Variants in ZNF226 observed in about 807,000 individuals in gnomAD.
The protein encoded by ZNF226 is zinc finger protein 226, also known as Kruppel-associated box protein.
ZNF226 carries 6 observed loss-of-function variants against 11.4 expected under a neutral mutation model. The observed-to-expected ratio is 0.53, with a 90% confidence interval of 0.29 to 1.04. The LOEUF is 1.04. Ranked by LOEUF, ZNF226 falls within the 50% of genes least tolerant of loss-of-function variation. The pLI is 0.08. For synonymous variants in ZNF226, 350 were observed against 322.8 expected (o/e 1.08, Z -0.90); for missense variants, 1,058 against 956.5 (o/e 1.11, Z -1.40).
At chr19:44,169,670 A>G (rs1341175798) in intron 2 of ZNF226, 1 of 162,752 alleles carries the variant, frequency 6.1e-6, no homozygotes, top group African/African-American at 2.4e-5. Flanking sequence ...TGACAGAAGT[A>G]AGGCAAAGAG....
the ZNF226 span, among the ~76,000 whole-genome samples, chr19:44,198,722 CCTGTTCAGGGAGACATGGATCTTCT>C: frequency 6.6e-6 from 1 of 152,320 alleles, no homozygotes; most frequent in East Asian, 1.9e-4. Flanking sequence ...CTAAGGTAGA[CCTGTTCAGGGAGACATGGATCTTCT>C]CTGTTGGATA....
At chr19:44,189,348 TAGG>T in the ZNF226 span, among the ~76,000 whole-genome samples, 1 of 152,338 alleles carries the variant, frequency 6.6e-6, no homozygotes, top group East Asian at 1.9e-4. Context: ...CATTGGGAAT[TAGG>T]TGAGACCTAA....
chr19:44,177,211 A>C lies in ZNF226; in HGVS notation c.1949A>C (p.Lys650Thr). The C allele has an allele frequency of 1.2e-6, 2 of 1,614,070 alleles. No homozygotes were observed. Among genetic ancestry groups the C allele is most frequent in the Non-Finnish European group, 1.7e-6 (2 of 1,180,010 alleles). ...EKPFKCEECG[K>T]SFGRSAHLQA... ...CCATTCAAATGTGAAGAATGTGGGA[A>C]GAGTTTCGGTCGGAGTGCACATCTT... Residue 650 changes from lysine to threonine, a missense_variant, in exon 6 of 6, where the codon AAG becomes ACG. Transcript: ENST00000337433.
In ZNF226 at chr19:44,176,004, G is replaced by A; in HGVS notation, c.742G>A (p.Gly248Arg). Reference protein sequence around the residue: ...TFDHNSMIHTGQKSYQCNECK... With the variant: ...TFDHNSMIHTRQKSYQCNECK... ...TGATCACAATAGCATGATTCACACA[G>A]GACAGAAATCGTACCAGTGTAATGA... The change falls in exon 6 of 6, where the codon GGA becomes AGA. Residue 248 changes from glycine to arginine, a missense_variant. Transcript: ENST00000337433. 6.2e-7 allele frequency: 1 copy of A among 1,613,870 alleles called. No homozygotes were observed.
chr19:44,177,492 T>G lies in ZNF226; in HGVS notation c.2230T>G (p.Ser744Ala). ...CTTCAGTCGGTCTTCACAACTACAG[T>G]CTCATCAGCGAGTTCACACTGGGGA... Reference protein sequence around the residue: ...KVFSRSSQLQSHQRVHTGEKP... With the variant: ...KVFSRSSQLQAHQRVHTGEKP... Residue 744 changes from serine (S) to alanine (A), a missense_variant, in exon 6 of 6, where the codon TCT becomes GCT. Transcript: ENST00000337433. 1 of 1,614,100 alleles carries G rather than the reference T, an allele frequency of 6.2e-7. No homozygotes were observed. Among genetic ancestry groups the G allele is most frequent in the African/African-American group, 1.3e-5 (1 of 75,012 alleles).
At chr19:44,183,129 G>C (rs1013796949), downstream of ZNF226, among the ~76,000 whole-genome samples, 1 of 152,146 alleles carries the variant, frequency 6.6e-6, no homozygotes, top group Non-Finnish European at 1.5e-5. Context: ...ATGGAGCTGT[G>C]ATTAGGTAAT....
chr19:44,181,191 C>T (rs73564093), downstream of ZNF226, among the ~76,000 whole-genome samples: 1 of 152,062 alleles, frequency 6.6e-6, no homozygotes, highest in African/African-American at 2.4e-5. Context: ...TTAGCCTGGG[C>T]AATATAGTGA....
chr19:44,177,723 C>G, downstream of ZNF226: 1 of 1,516,970 alleles, frequency 6.6e-7, no homozygotes, highest in Non-Finnish European at 8.8e-7. Flanking sequence ...TATCAAGTCT[C>G]AAAGTCAGTG....
At chr19:44,178,314 T>A (rs1970850953), downstream of ZNF226, 1 of 152,358 alleles carries the variant, frequency 6.6e-6, no homozygotes, top group South Asian at 2.1e-4. Context: ...ATTGTGTTCA[T>A]CTTGTAATAA....
At chr19:44,178,806 A>T (rs1260609611), downstream of ZNF226, among the ~76,000 whole-genome samples, 1 of 152,184 alleles carries the variant, frequency 6.6e-6, no homozygotes, top group African/African-American at 2.4e-5. Flanking sequence ...AATAGAAATA[A>T]TTTTTTATAT....
Position 44,175,817 on chromosome 19 carries a change from C to G in ZNF226, c.555C>G (p.Asn185Lys). 1 of 1,613,670 alleles carries G rather than the reference C, an allele frequency of 6.2e-7. No homozygotes were observed. The highest frequency in any genetic ancestry group is 1.1e-5 in the South Asian group (1 of 91,004). The change falls in exon 6 of 6, where the codon AAC (asparagine) becomes AAG (lysine). Residue 185 changes from asparagine to lysine, a missense_variant. By Grantham distance (94) the Asn-to-Lys change is moderately conservative. Transcript: ENST00000337433. ...TCCTGACTGAGTCACAGAGATTGAACAGAGATCAGCAAATTTCCATAAAAA... is the reference window on the plus strand; with the variant it reads ...TCCTGACTGAGTCACAGAGATTGAAGAGAGATCAGCAAATTTCCATAAAAA... ...KTFLTESQRL[N>K]RDQQISIKNK...
rs772432212 is a variant in ZNF226, at chr19:44,176,798, C to T, written c.1536C>T (p.Phe512=). The change falls in exon 6 of 6, where the codon TTC becomes TTT. Residue 512 remains phenylalanine, a synonymous_variant. Coordinates refer to ENST00000337433, the MANE Select transcript of ZNF226 (RefSeq NM_001032373.2). ...PYKCNECGKS[F]RRNSHYQVHL... Reference sequence around the variant, plus strand: ...AATGCAATGAGTGTGGGAAGAGCTTCAGGAGGAATTCCCATTATCAAGTTC... The same window carrying T: ...AATGCAATGAGTGTGGGAAGAGCTTTAGGAGGAATTCCCATTATCAAGTTC... 3.1e-6 allele frequency: 5 copies of T among 1,613,814 alleles called. No homozygotes were observed. Among genetic ancestry groups the T allele is most frequent in the Non-Finnish European group, 4.2e-6 (5 of 1,179,994 alleles).
In ZNF226 at chr19:44,169,050, C is replaced by G. The variant is rs1313124718; in HGVS notation, c.-46-985C>G. ...TTGAGACAGAGTCTCACTCAGTCGC[C>G]GAGGCTGGAGTGCAGTGGGGCAATC... On this transcript the variant is annotated intron_variant, in intron 2 of 5. Coordinates refer to ENST00000337433, the MANE Select transcript of ZNF226 (RefSeq NM_001032373.2). Among the ~76,000 whole-genome samples, 10 of 138,934 alleles carry G rather than the reference C, an allele frequency of 7.2e-5. No individual in the cohort carries two copies. In the Admixed American group the frequency reaches 7.4e-4, roughly 10 times the overall value. The allele number at this position is 138,934 out of a possible 152,430, so 91.1% of individuals were successfully genotyped here.
In ZNF226 at chr19:44,165,145, C is replaced by T. The variant is rs1457888750; in HGVS notation, c.-98+3C>T. The T allele has an allele frequency of 6.6e-6, 1 of 152,220 alleles. No individual in the cohort carries two copies. Among genetic ancestry groups the T allele is most frequent in the Admixed American group, 6.5e-5 (1 of 15,290 alleles). The allele number at this position is 152,220 out of a possible 1,614,324, so 9.4% of individuals were successfully genotyped here. A position where few individuals can be genotyped will look rare whatever the true frequency, so the allele number is the denominator to read the frequency against. On this transcript the variant is annotated splice_donor_region_variant and intron_variant, in intron 1 of 5. Transcript: ENST00000337433. ...TTTCCCTGGCTTTGGTGATTCAGGTCAGCTTCTCAGGAACCTTTCAAACTT... is the reference window on the plus strand; with the variant it reads ...TTTCCCTGGCTTTGGTGATTCAGGTTAGCTTCTCAGGAACCTTTCAAACTT...
intron 5 of ZNF226, chr19:44,174,434 A>G (rs1253620262): frequency 6.6e-6 from 1 of 152,270 alleles, no homozygotes; most frequent in Non-Finnish European, 1.5e-5. Context: ...GGACATGAGC[A>G]TTAGCCTTTC....
chr19:44,182,435 G>A (rs760418004), downstream of ZNF226, among the ~76,000 whole-genome samples: 2 of 152,188 alleles, frequency 1.3e-5, no homozygotes, highest in Non-Finnish European at 1.5e-5. Flanking sequence ...ACAGCAGTGC[G>A]GGGGTTTGGA....
At chr19:44,172,739 TTAAA>T (rs1970249715) in intron 4 of ZNF226, 117 bp from the exon 5 acceptor site, 2 of 751,254 alleles carry the variant, frequency 2.7e-6, no homozygotes, top group Admixed American at 3.0e-5. Flanking sequence ...AAGTCACAAT[TTAAA>T]TAAAAGTTTG....
chr19:44,190,395 G>A, the ZNF226 span, among the ~76,000 whole-genome samples: 12 of 152,054 alleles, frequency 7.9e-5, no homozygotes, highest in East Asian at 1.9e-4. Context: ...GTACAGTGGC[G>A]CGATCTCGGC....
At chr19:44,191,634 A>G in the ZNF226 span, among the ~76,000 whole-genome samples, 1 of 152,166 alleles carries the variant, frequency 6.6e-6, no homozygotes, top group South Asian at 2.1e-4. Context: ...TCCTGGAGAG[A>G]CCTGCCAAAA....
Sources: gnomAD v4.1 joint callset for allele counts (sites outside exome capture counted in the v4.1 genomes callset) on GRCh38, gnomAD v4.1.1 for gene constraint, MANE v1.5 for transcripts, NCBI Gene and HGNC (gene_info 2026-07-23, HGNC 2026-07-21) for gene names.